GATA4: variants seen among roughly 807,000 people sequenced by gnomAD.
The protein encoded by GATA4 is transcription factor GATA-4.
In GATA4, 7 loss-of-function variants were observed where a neutral mutation model predicts 37.9. That is an observed-to-expected ratio of 0.18 (90% CI 0.11 to 0.35). GATA4 has a LOEUF of 0.35. Ranked by LOEUF, GATA4 falls within the 10% of genes least tolerant of loss-of-function variation. The probability of loss-of-function intolerance (pLI) is 1.00; values close to 1 mark genes in which losing one functional copy is unlikely to be tolerated. For missense variants in GATA4, 647 were observed against 653.0 expected (o/e 0.99, Z 0.10); for synonymous variants, 372 against 292.6 (o/e 1.27, Z -2.77).
rs574175077 is a variant in GATA4 at position 11,708,157 on chromosome 8, T to G, written c.-156T>G. 83 of 823,156 alleles carry G rather than the reference T, an allele frequency of 1.0e-4. No homozygotes were observed. In the East Asian group the frequency reaches 2.0e-3, roughly 20 times the overall value. 51.0% of individuals were successfully genotyped at this position (823,156 alleles called of 1,614,324 possible). ...CAATGCTGGATTTAATACGTATATA[T>G]TTTTAAGCGAGTTGGTTTTTTCCCC... On this transcript the variant is annotated 5_prime_UTR_variant, in exon 2 of 7. An upstream open reading frame in the 5' UTR gains an earlier in-frame stop. Transcript: ENST00000532059. The surrounding 1 kb of genome is among the most constrained non-coding windows in gnomAD (Gnocchi z 6.7).
rs749151679 is a variant in GATA4, at chr8:11,708,275, G to A, written c.-38G>A. The A allele has an allele frequency of 3.2e-6, 5 of 1,552,994 alleles. No individual in the cohort carries two copies. In the South Asian group the frequency reaches 5.8e-5, roughly 18 times the overall value. ...CCGCGTGGCTCCTTGACCTGCGAGG[G>A]AGAGAGAGGACACCGAAGCCGGGAG... On this transcript the variant is annotated 5_prime_UTR_variant, in exon 2 of 7. Coordinates refer to ENST00000532059, the MANE Select transcript of GATA4 (RefSeq NM_001308093.3). This position sits in a 1 kb window ranked among gnomAD's most constrained non-coding sequence, Gnocchi z 6.7.
At chr8:11,711,773 C>T (rs948291211) in intron 2 of GATA4, among the ~76,000 whole-genome samples, 1 of 143,360 alleles carries the variant, frequency 7.0e-6, no homozygotes, top group Admixed American at 7.0e-5. Context: ...AAAAAAAAAA[C>T]CAGTGCATGT....
intron 4 of GATA4, among the ~76,000 whole-genome samples, chr8:11,754,427 AG>A (rs1802453603): frequency 6.6e-6 from 1 of 152,188 alleles, no homozygotes; most frequent in African/African-American, 2.4e-5. Flanking sequence ...TATGTTGCCA[AG>A]GATGGTCTCG....
At chr8:11,723,987 C>T (rs1007528108) in intron 2 of GATA4, among the ~76,000 whole-genome samples, 47 of 152,182 alleles carry the variant, frequency 3.1e-4, no homozygotes, top group East Asian at 3.8e-4. Context: ...CCCTTCCCTC[C>T]AGCCTCAGGC....
At chr8:11,720,801 T>C (rs1800639227) in intron 2 of GATA4, among the ~76,000 whole-genome samples, 2 of 152,086 alleles carry the variant, frequency 1.3e-5, no homozygotes, top group Non-Finnish European at 2.9e-5. Flanking sequence ...TACGGCTGCA[T>C]TGTTTTTCTT....
intron 2 of GATA4, among the ~76,000 whole-genome samples, chr8:11,744,014 A>G (rs1242346854): frequency 1.3e-5 from 2 of 152,242 alleles, no homozygotes; most frequent in Non-Finnish European, 2.9e-5. Flanking sequence ...TCCCATGAGA[A>G]GCAACTTGGA....
chr8:11,681,085 C>T (rs1219510748), intron 1 of GATA4: 1 of 964,680 alleles, frequency 1.0e-6, no homozygotes, highest in Non-Finnish European at 1.2e-6. Flanking sequence ...CATTGAGGGG[C>T]ATGGGTGGCG....
chr8:11,693,520 C>G (rs1799394476), intron 1 of GATA4, among the ~76,000 whole-genome samples: 1 of 68,624 alleles, frequency 1.5e-5, no homozygotes, highest in Non-Finnish European at 3.3e-5. Flanking sequence ...TGATTCAGCA[C>G]AAACACACAC....
rs150810106 is a variant in GATA4 at position 11,730,089 on chromosome 8, T to C, written c.617-18827T>C. ...TACTACCATGCCCAGCTAACGTCTA[T>C]ATTTTTTGGAGGTAGGGTTTTGCCA... On this transcript the variant is annotated intron_variant, in intron 2 of 6. Coordinates refer to ENST00000532059, the MANE Select transcript of GATA4 (RefSeq NM_001308093.3). Among the ~76,000 whole-genome samples, 192 of 152,184 alleles carry C rather than the reference T, an allele frequency of 1.3e-3. 1 individual carries two copies. Among genetic ancestry groups the C allele is most frequent in the African/African-American group, 4.5e-3 (185 of 41,524 alleles).
upstream of GATA4, among the ~76,000 whole-genome samples, chr8:11,688,077 T>C (rs1180501530): frequency 1.3e-5 from 2 of 152,234 alleles, no homozygotes; most frequent in African/African-American, 4.8e-5. Context: ...GTTTATAGAT[T>C]CAGCAGATAA....
intron 2 of GATA4, among the ~76,000 whole-genome samples, chr8:11,715,064 G>T (rs1291663035): frequency 6.6e-6 from 1 of 152,116 alleles, no homozygotes; most frequent in Non-Finnish European, 1.5e-5. Context: ...TTTTATGCAC[G>T]TGGCACATAC....
intron 1 of GATA4, chr8:11,681,130 G>A: frequency 3.0e-6 from 3 of 985,186 alleles, no homozygotes; most frequent in Non-Finnish European, 3.6e-6. Context: ...CCGGAAAACC[G>A]AGCCCAGGGA....
intron 2 of GATA4, among the ~76,000 whole-genome samples, chr8:11,740,701 GTCTT>G (rs1222806871): frequency 4.6e-5 from 7 of 151,958 alleles, no homozygotes; most frequent in Non-Finnish European, 7.4e-5. Flanking sequence ...GCTCACTGCA[GTCTT>G]TCAGTATTGC....
intron 1 of GATA4, among the ~76,000 whole-genome samples, chr8:11,679,210 G>C (rs1798876183): frequency 6.7e-6 from 1 of 149,976 alleles, no homozygotes; most frequent in South Asian, 2.1e-4. Flanking sequence ...GAATTATCTA[G>C]ATAAAAGAGC....
chr8:11,679,791 C>T (rs1343854191), intron 1 of GATA4, among the ~76,000 whole-genome samples: 1 of 152,100 alleles, frequency 6.6e-6, no homozygotes, highest in Non-Finnish European at 1.5e-5. Context: ...GATGGAGACC[C>T]CCGAATAATG....
intron 1 of GATA4, among the ~76,000 whole-genome samples, chr8:11,682,631 T>C (rs1799007460): frequency 6.6e-6 from 1 of 152,216 alleles, no homozygotes; most frequent in African/African-American, 2.4e-5. Flanking sequence ...AAAACTTTCC[T>C]TGAAGAAACA....
intron 2 of GATA4, among the ~76,000 whole-genome samples, chr8:11,711,261 A>C (rs1406722221): frequency 6.6e-6 from 1 of 152,210 alleles, no homozygotes; most frequent in African/African-American, 2.4e-5. Flanking sequence ...TCTCTCTGCC[A>C]AGAACTGCCA....
At position 11,709,588 on chromosome 8, in the gene GATA4, G is replaced by T. The variant is rs933119096; in HGVS notation, c.616+660G>T. 1.3e-5 allele frequency among the ~76,000 whole-genome samples: 2 copies of T among 149,540 alleles called. No individual in the cohort carries two copies. The highest frequency in any genetic ancestry group is 4.9e-5 in the African/African-American group (2 of 41,228). On this transcript the variant is annotated intron_variant, in intron 2 of 6. Transcript: ENST00000532059. This position sits in a 1 kb window ranked among gnomAD's most constrained non-coding sequence, Gnocchi z 4.3. ...TCATGCGGGCAGCGGGGGGGGGGGC[G>T]CACACGCCCGGTCAGTGTCCGGGAA...
intron 2 of GATA4, among the ~76,000 whole-genome samples, chr8:11,732,418 A>G (rs1011963683): frequency 1.2e-4 from 18 of 152,350 alleles, no homozygotes; most frequent in African/African-American, 4.3e-4. Flanking sequence ...GCTCCGTTTC[A>G]TCTACTTTAT....
Sources: gnomAD v4.1 joint callset for allele counts (sites outside exome capture counted in the v4.1 genomes callset) on GRCh38, gnomAD v4.1.1 for gene constraint, Gnocchi (gnomAD v3.1) non-coding constraint, MANE v1.5 for transcripts, NCBI Gene and HGNC (gene_info 2026-07-23, HGNC 2026-07-21) for gene names.